Variants in AUTS2 observed in about 807,000 individuals in gnomAD.
AUTS2 encodes the protein activator of transcription and developmental regulator AUTS2.
In AUTS2, 17 loss-of-function variants were observed where a neutral mutation model predicts 112.4. The observed-to-expected ratio is 0.15, with a 90% CI of 0.10 to 0.23. The LOEUF (loss-of-function observed/expected upper bound fraction) is 0.23. Ranked by LOEUF, AUTS2 falls within the 10% of genes least tolerant of loss-of-function variation. The pLI is 1.00. For synonymous variants in AUTS2, 751 were observed against 702.7 expected (o/e 1.07, Z -1.09); for missense variants, 1,510 against 1,701.6 (o/e 0.89, Z 1.98).
At chr7:70,507,854 TG>T (rs1799027729) in intron 5 of AUTS2, among the ~76,000 whole-genome samples, 1 of 152,106 alleles carries the variant, frequency 6.6e-6, no homozygotes, top group Admixed American at 6.5e-5. Flanking sequence ...CAAAATAAGA[TG>T]GGGCACCTGA....
At chr7:70,087,117 C>T (rs1241090337) in intron 2 of AUTS2, among the ~76,000 whole-genome samples, 1 of 151,708 alleles carries the variant, frequency 6.6e-6, no homozygotes, top group East Asian at 1.9e-4. Context: ...TCTGCACATA[C>T]CTTTATCAGT....
chr7:70,531,109 C>T (rs1800066060), intron 5 of AUTS2, among the ~76,000 whole-genome samples: 1 of 58,176 alleles, frequency 1.7e-5, no homozygotes. Context: ...TGGCTGACTC[C>T]TGGCTTAGAG....
At chr7:69,755,656 G>C (rs897430488) in intron 1 of AUTS2, among the ~76,000 whole-genome samples, 3 of 152,126 alleles carry the variant, frequency 2.0e-5, no homozygotes, top group African/African-American at 7.2e-5. Flanking sequence ...TTGTGCCCCT[G>C]TTCCTTATCT....
chr7:70,346,227 A>T (rs1791491542), intron 4 of AUTS2, among the ~76,000 whole-genome samples: 1 of 151,996 alleles, frequency 6.6e-6, no homozygotes, highest in South Asian at 2.1e-4. Context: ...TACCTTTCCC[A>T]CCTTAAATCC....
intron 4 of AUTS2, among the ~76,000 whole-genome samples, chr7:70,263,772 G>A (rs1441911279): frequency 6.6e-6 from 1 of 152,154 alleles, no homozygotes; most frequent in East Asian, 1.9e-4. Flanking sequence ...TGTGTTAGCA[G>A]AACAATCATT....
chr7:70,334,064 T>C (rs1790879291), intron 4 of AUTS2, among the ~76,000 whole-genome samples: 1 of 152,212 alleles, frequency 6.6e-6, no homozygotes, highest in South Asian at 2.1e-4. Context: ...TGTCTGCAAA[T>C]AGAGAGGCCA....
intron 1 of AUTS2, among the ~76,000 whole-genome samples, chr7:69,740,859 G>A (rs1013707425): frequency 6.6e-6 from 1 of 152,150 alleles, no homozygotes; most frequent in Non-Finnish European, 1.5e-5. Flanking sequence ...GCAGAGTTTA[G>A]GTGTGAGGTT....
chr7:70,412,657 G>A (rs1794825118), intron 4 of AUTS2, among the ~76,000 whole-genome samples: 1 of 152,174 alleles, frequency 6.6e-6, no homozygotes, highest in South Asian at 2.1e-4. Context: ...ACTACTGGAT[G>A]AATCTTGACT....
intron 1 of AUTS2, among the ~76,000 whole-genome samples, chr7:69,865,762 T>C (rs1793197921): frequency 6.6e-6 from 1 of 152,186 alleles, no homozygotes; most frequent in South Asian, 2.1e-4. Flanking sequence ...GTGCATATCA[T>C]CCATTATACA....
At chr7:69,937,541 A>G (rs1012741824) in intron 2 of AUTS2, among the ~76,000 whole-genome samples, 1 of 152,030 alleles carries the variant, frequency 6.6e-6, no homozygotes, top group Non-Finnish European at 1.5e-5. Flanking sequence ...ACCTTGAAGA[A>G]ACTCTTGGGG....
intron 2 of AUTS2, among the ~76,000 whole-genome samples, chr7:69,917,520 C>T (rs1006205984): frequency 2.0e-5 from 3 of 146,532 alleles, no homozygotes; most frequent in Non-Finnish European, 4.4e-5. Flanking sequence ...CTTTAAGGGG[C>T]CTGCTGGTTT....
chr7:70,365,182 T>C (rs888506866), intron 4 of AUTS2, among the ~76,000 whole-genome samples: 3 of 152,248 alleles, frequency 2.0e-5, no homozygotes, highest in African/African-American at 7.2e-5. Flanking sequence ...CCTAGTATCT[T>C]TACTATCTGC....
At chr7:69,736,722 G>A (rs547822776) in intron 1 of AUTS2, among the ~76,000 whole-genome samples, 4 of 152,276 alleles carry the variant, frequency 2.6e-5, no homozygotes, top group Admixed American at 1.3e-4. Flanking sequence ...CAGATTCTCT[G>A]CAGACCCTTC....
intron 4 of AUTS2, among the ~76,000 whole-genome samples, chr7:70,145,608 G>A (rs543336986): frequency 1.3e-5 from 2 of 152,200 alleles, no homozygotes; most frequent in Admixed American, 6.5e-5. Flanking sequence ...TCTATTATTT[G>A]TAGTAGGTCT....
intron 2 of AUTS2, among the ~76,000 whole-genome samples, chr7:69,997,712 A>G (rs1799010138): frequency 6.6e-6 from 1 of 151,944 alleles, no homozygotes; most frequent in South Asian, 2.1e-4. Flanking sequence ...GGGATAACTC[A>G]CTCATTCCCC....
At chr7:70,177,698 T>G (rs888706894) in intron 4 of AUTS2, among the ~76,000 whole-genome samples, 2 of 152,086 alleles carry the variant, frequency 1.3e-5, no homozygotes, top group African/African-American at 4.8e-5. Flanking sequence ...AAGGAAAAAT[T>G]CCCTCCAACA....
At chr7:69,734,573 G>T (rs1245092812) in intron 1 of AUTS2, among the ~76,000 whole-genome samples, 1 of 151,282 alleles carries the variant, frequency 6.6e-6, no homozygotes, top group Non-Finnish European at 1.5e-5. Context: ...TACACATTAG[G>T]TTGCTACCAA....
Position 70,117,104 on chromosome 7 carries a change from G to GTTTTGTTTTTTTTTTTTTTTTTTTT in AUTS2, c.523-1024_523-1023insGTTTTTTTTTTTTTTTTTTTTTTTT, listed in dbSNP as rs1562710088. Reference sequence around the variant, plus strand: ...ACGTAAACTTCATGAGATGACTTTTGTTTTTTTTTTTTGTTTTTTTTTGTT... The same window carrying GTTTTGTTTTTTTTTTTTTTTTTTTT: ...ACGTAAACTTCATGAGATGACTTTTGTTTTGTTTTTTTTTTTTTTTTTTTTTTTTTTTTTTTTGTTTTTTTTTGTT... On this transcript the variant is annotated intron_variant, in intron 2 of 18. Transcript: ENST00000342771. Among the ~76,000 whole-genome samples, 3 of 78,460 alleles carry GTTTTGTTTTTTTTTTTTTTTTTTTT rather than the reference G, an allele frequency of 3.8e-5. 1 individual carries two copies. The highest frequency in any genetic ancestry group is 8.1e-5 in the Non-Finnish European group (3 of 36,880). 51.5% of individuals were successfully genotyped at this position (78,460 alleles called of 152,430 possible). A position where few individuals can be genotyped will look rare whatever the true frequency, so the allele number is the denominator to read the frequency against.
chr7:70,695,926 A>G (rs926792744), intron 5 of AUTS2, among the ~76,000 whole-genome samples: 3 of 152,184 alleles, frequency 2.0e-5, no homozygotes, highest in Admixed American at 2.0e-4. Context: ...TAAAATCTTC[A>G]AGTCTGTAGC....
Sources: allele counts gnomAD v4.1 joint callset (sites outside exome capture counted in the v4.1 genomes callset), GRCh38; gene constraint gnomAD v4.1.1; transcripts MANE v1.5; gene names NCBI Gene and HGNC (gene_info 2026-07-23, HGNC 2026-07-21).